Variants in SMIM14 observed in about 807,000 individuals in gnomAD.
SMIM14 encodes chromosome 4 open reading frame 34.
SMIM14 carries 5 observed loss-of-function variants against 12.6 expected under a neutral mutation model. The observed-to-expected ratio is 0.40, with a 90% CI of 0.21 to 0.83. The LOEUF (loss-of-function observed/expected upper bound fraction) is 0.83, where lower values mean the gene tolerates loss of function less well. Ranked by LOEUF, SMIM14 falls within the 40% of genes least tolerant of loss-of-function variation. The pLI, the probability that SMIM14 is intolerant of heterozygous loss-of-function variation, is 0.37. For missense variants in SMIM14, 86 were observed against 119.1 expected (o/e 0.72, Z 1.29); for synonymous variants, 30 against 40.1 (o/e 0.75, Z 0.95).
At chr4:39,589,628 G>GC (rs1713955704) in intron 2 of SMIM14, 1 of 152,180 alleles carries the variant, frequency 6.6e-6, no homozygotes, top group Non-Finnish European at 1.5e-5. Flanking sequence ...CCAAGTGACA[G>GC]CCAGTGAAGC....
intron 1 of SMIM14, among the ~76,000 whole-genome samples, chr4:39,623,963 A>C (rs1358793783): frequency 6.6e-6 from 1 of 152,230 alleles, no homozygotes; most frequent in Admixed American, 6.5e-5. Flanking sequence ...GTAAAAAAGA[A>C]AGTTTAAAAA....
chr4:39,584,445 G>GCACTCCAGCCTGAGCGACAGAGTAAGA (rs1713671730), intron 2 of SMIM14, among the ~76,000 whole-genome samples: 1 of 118,632 alleles, frequency 8.4e-6, no homozygotes, highest in Non-Finnish European at 1.7e-5. Flanking sequence ...TCTTGCCACT[G>GCACTCCAGCCTGAGCGACAGAGTAAGA]CACTCCAGCC....
At chr4:39,575,413 C>G (rs1713117986) in intron 2 of SMIM14, among the ~76,000 whole-genome samples, 1 of 151,884 alleles carries the variant, frequency 6.6e-6, no homozygotes, top group Admixed American at 6.6e-5. Flanking sequence ...CCAGGCTGGT[C>G]TCGAACTCCT....
At chr4:39,561,638 C>T (rs147149546) in intron 3 of SMIM14, among the ~76,000 whole-genome samples, 12 of 152,162 alleles carry the variant, frequency 7.9e-5, no homozygotes, top group African/African-American at 1.7e-4. Flanking sequence ...TAGAATCTCA[C>T]GCCGGGCACG....
chr4:39,631,916 TA>T lies in SMIM14; in HGVS notation c.-36+6822del, dbSNP rs780586359. On this transcript the variant is annotated intron_variant, in intron 1 of 4. Coordinates refer to ENST00000295958, the MANE Select transcript of SMIM14 (RefSeq NM_174921.3). ...ACACATCTGTGCTTTGGCCTAAATT[TA>T]AAAAAAAAAAAAGGAAATGAAAATT... is the stretch of plus-strand genomic sequence containing the variant. Among the ~76,000 whole-genome samples, 900 of 138,366 alleles carry T rather than the reference TA, an allele frequency of 6.5e-3. 4 individuals carry two copies. Among genetic ancestry groups the T allele is most frequent in the African/African-American group, 0.011 (413 of 37,778 alleles). 90.8% of individuals were successfully genotyped at this position (138,366 alleles called of 152,430 possible).
At chr4:39,574,944 G>A (rs1038578923) in intron 2 of SMIM14, among the ~76,000 whole-genome samples, 3 of 151,812 alleles carry the variant, frequency 2.0e-5, no homozygotes, top group Non-Finnish European at 4.4e-5. Context: ...GACCAGCCTG[G>A]GCAACATGCT....
At chr4:39,560,801 A>G (rs1712271149) in intron 3 of SMIM14, among the ~76,000 whole-genome samples, 1 of 152,058 alleles carries the variant, frequency 6.6e-6, no homozygotes, top group Non-Finnish European at 1.5e-5. Context: ...CCAGGGCAGA[A>G]CCTAAGAAAA....
intron 2 of SMIM14, among the ~76,000 whole-genome samples, chr4:39,595,336 T>C (rs959698068): frequency 1.5e-5 from 2 of 136,860 alleles, no homozygotes; most frequent in African/African-American, 5.5e-5. Context: ...TTCTCACTCA[T>C]AGGTGGGAAT....
intron 2 of SMIM14, among the ~76,000 whole-genome samples, chr4:39,598,404 T>C (rs777022872): frequency 6.6e-6 from 1 of 152,222 alleles, no homozygotes; most frequent in African/African-American, 2.4e-5. Context: ...TTTCAACTTT[T>C]AGCTGATTGT....
rs1427644377 is a variant in SMIM14, at chr4:39,547,058, A to C, written c.*5068T>G. The stretch of plus-strand genomic sequence containing the variant: ...CTAGGAAGAGAGAGAGAAAGAAAAT[A>C]ACCAAAGAAATGTGACTGCAATCTA... On this transcript the variant is annotated 3_prime_UTR_variant, in exon 5 of 5. Coordinates refer to ENST00000295958, the MANE Select transcript of SMIM14 (RefSeq NM_174921.3). 5.3e-5 allele frequency: 8 copies of C among 152,218 alleles called. No homozygotes were observed. In the South Asian group the frequency reaches 6.2e-4, roughly 12 times the overall value. The allele number at this position is 152,218 out of a possible 1,614,324, so 9.4% of individuals were successfully genotyped here. A position where few individuals can be genotyped will look rare whatever the true frequency, so the allele number is the denominator to read the frequency against.
At chr4:39,590,189 G>A (rs1369805672) in intron 2 of SMIM14, among the ~76,000 whole-genome samples, 2 of 151,952 alleles carry the variant, frequency 1.3e-5, no homozygotes, top group Non-Finnish European at 2.9e-5. Context: ...CAAGGCAGGT[G>A]GATCACCTGA....
In SMIM14 at chr4:39,551,252, AGC is replaced by A. The variant is rs1711687368; in HGVS notation, c.*872_*873del. On this transcript the variant is annotated 3_prime_UTR_variant, in exon 5 of 5. Coordinates refer to ENST00000295958, the MANE Select transcript of SMIM14 (RefSeq NM_174921.3). ...CAGGGAACTGTTAGAACAGAAAAGA[AGC>A]TTCCCAAGAGGCACTCATTTTAAAA... 6.6e-6 allele frequency: 1 copy of A among 152,296 alleles called. No homozygotes were observed. Among genetic ancestry groups the A allele is most frequent in the African/African-American group, 2.4e-5 (1 of 41,464 alleles). The allele number at this position is 152,296 out of a possible 1,614,324, so 9.4% of individuals were successfully genotyped here.
chr4:39,589,434 A>G (rs985209175), intron 2 of SMIM14, among the ~76,000 whole-genome samples: 2 of 152,220 alleles, frequency 1.3e-5, no homozygotes, highest in African/African-American at 4.8e-5. Flanking sequence ...TATGCTGTTT[A>G]GATTAAGAGT....
At chr4:39,562,901 C>T (rs541630439) in intron 3 of SMIM14, among the ~76,000 whole-genome samples, 4 of 151,732 alleles carry the variant, frequency 2.6e-5, no homozygotes, top group Admixed American at 6.6e-5. Flanking sequence ...ACCTAAGCCT[C>T]GCAAAGTGCT....
chr4:39,592,498 A>G (rs1019172927), intron 2 of SMIM14, among the ~76,000 whole-genome samples: 1 of 152,124 alleles, frequency 6.6e-6, no homozygotes, highest in Non-Finnish European at 1.5e-5. Context: ...ATGAGAGGAT[A>G]CTTTTCTTCT....
intron 2 of SMIM14, among the ~76,000 whole-genome samples, chr4:39,580,080 T>C (rs1186732509): frequency 6.6e-6 from 1 of 152,302 alleles, no homozygotes; most frequent in Non-Finnish European, 1.5e-5. Flanking sequence ...GAACCTCATA[T>C]GTGTTGGAGA....
chr4:39,628,720 C>CTTTTTTTTT (rs541461723), intron 1 of SMIM14, among the ~76,000 whole-genome samples: 3 of 135,270 alleles, frequency 2.2e-5, no homozygotes, highest in Non-Finnish European at 4.8e-5. Flanking sequence ...AAATGTTTTT[C>CTTTTTTTTT]TTTTTTTTTT....
intron 1 of SMIM14, among the ~76,000 whole-genome samples, chr4:39,607,267 ATT>A: frequency 6.6e-6 from 1 of 152,362 alleles, no homozygotes; most frequent in East Asian, 1.9e-4. Flanking sequence ...TGCATAGTTT[ATT>A]GTTTATCAAT....
At chr4:39,580,823 C>A (rs1362965275) in intron 2 of SMIM14, among the ~76,000 whole-genome samples, 2 of 152,138 alleles carry the variant, frequency 1.3e-5, no homozygotes, top group African/African-American at 4.8e-5. Context: ...CCGCACCCAG[C>A]CCCTGTCTCT....
Sources: gnomAD v4.1 joint callset for allele counts (sites outside exome capture counted in the v4.1 genomes callset) on GRCh38, gnomAD v4.1.1 for gene constraint, MANE v1.5 for transcripts, NCBI Gene and HGNC (gene_info 2026-07-23, HGNC 2026-07-21) for gene names.